GALNT13: variants seen among roughly 807,000 people sequenced by gnomAD.
GALNT13 encodes polypeptide N-acetylgalactosaminyltransferase 13.
GALNT13 carries 28 observed loss-of-function variants against 64.2 expected under a neutral mutation model. The observed-to-expected ratio is 0.44, with a 90% CI of 0.32 to 0.60. The LOEUF is 0.60. Among genes scored for constraint, GALNT13 ranks in the 20% least tolerant of loss-of-function variants. The pLI, the probability that GALNT13 is intolerant of heterozygous loss-of-function variation, is 0.05. For missense variants in GALNT13, 577 were observed against 669.8 expected, an observed-to-expected ratio of 0.86 and a Z score of 1.53; for synonymous variants, 214 against 224.6, an observed-to-expected ratio of 0.95 and a Z score of 0.42.
the GALNT13 span, among the ~76,000 whole-genome samples, chr2:153,104,985 T>C: frequency 5.4e-4 from 82 of 150,960 alleles, no homozygotes; most frequent in African/African-American, 1.9e-3. Context: ...TGTGCACCCA[T>C]TAACTCGTCA....
At chr2:153,939,483 G>T (rs1019095023) in intron 2 of GALNT13, among the ~76,000 whole-genome samples, 2 of 152,110 alleles carry the variant, frequency 1.3e-5, no homozygotes, top group Non-Finnish European at 2.9e-5. Context: ...TAAAAGGGAG[G>T]TACAATTTAC....
chr2:153,707,701 A>G, the GALNT13 span, among the ~76,000 whole-genome samples: 1 of 152,184 alleles, frequency 6.6e-6, no homozygotes, highest in Non-Finnish European at 1.5e-5. Flanking sequence ...GTCTATCACT[A>G]GAGTCATAGC....
the GALNT13 span, among the ~76,000 whole-genome samples, chr2:153,690,325 G>A: frequency 1.3e-5 from 2 of 152,094 alleles, no homozygotes; most frequent in Non-Finnish European, 2.9e-5. Flanking sequence ...AGGATTTGAT[G>A]ATGCTATCTT....
intron 9 of GALNT13, among the ~76,000 whole-genome samples, chr2:154,330,440 T>C (rs1186470689): frequency 2.0e-5 from 3 of 152,140 alleles, no homozygotes; most frequent in Admixed American, 6.6e-5. Context: ...TTCCTTTACC[T>C]GTTGGCCAAA....
chr2:153,541,650 C>T, the GALNT13 span, among the ~76,000 whole-genome samples: 1 of 152,186 alleles, frequency 6.6e-6, no homozygotes, highest in Non-Finnish European at 1.5e-5. Context: ...ATAAGACCTT[C>T]ATTCCAGAGG....
the GALNT13 span, among the ~76,000 whole-genome samples, chr2:153,729,677 G>A: frequency 6.6e-6 from 1 of 151,870 alleles, no homozygotes. Context: ...AAGTCATCCA[G>A]ATAGAAAAAA....
chr2:154,265,235 C>T (rs1030021363), intron 8 of GALNT13, among the ~76,000 whole-genome samples: 8 of 151,434 alleles, frequency 5.3e-5, no homozygotes, highest in Non-Finnish European at 8.8e-5. Flanking sequence ...TACAAATTAT[C>T]AAAGCTCACA....
the GALNT13 span, among the ~76,000 whole-genome samples, chr2:153,463,601 C>A: frequency 2.0e-5 from 3 of 152,002 alleles, no homozygotes; most frequent in Non-Finnish European, 2.9e-5. Flanking sequence ...GCATATGAAA[C>A]CTAGGCTCAA....
chr2:153,648,942 T>C, the GALNT13 span, among the ~76,000 whole-genome samples: 2 of 152,172 alleles, frequency 1.3e-5, no homozygotes, highest in Admixed American at 1.3e-4. Flanking sequence ...TGGTTGTGTC[T>C]CTGCCAGGCT....
intron 4 of GALNT13, among the ~76,000 whole-genome samples, chr2:154,200,240 A>T (rs933004075): frequency 6.6e-6 from 1 of 152,094 alleles, no homozygotes; most frequent in African/African-American, 2.4e-5. Flanking sequence ...AACTTATGTA[A>T]TGCATAATTT....
chr2:153,633,660 C>T, the GALNT13 span, among the ~76,000 whole-genome samples: 1 of 152,088 alleles, frequency 6.6e-6, no homozygotes, highest in South Asian at 2.1e-4. Flanking sequence ...CCATGTTTTT[C>T]AGGAGTGGCT....
chr2:154,075,896 T>TTA (rs1298635528), intron 3 of GALNT13, among the ~76,000 whole-genome samples: 2 of 151,722 alleles, frequency 1.3e-5, no homozygotes, highest in Admixed American at 1.3e-4. Context: ...TCTAAGTGTT[T>TTA]TATATATATA....
chr2:153,373,686 A>G, the GALNT13 span, among the ~76,000 whole-genome samples: 2 of 152,202 alleles, frequency 1.3e-5, no homozygotes, highest in Non-Finnish European at 2.9e-5. Context: ...TCTTCAGAAT[A>G]TTCTTCATCT....
the GALNT13 span, among the ~76,000 whole-genome samples, chr2:153,398,201 C>T: frequency 1.3e-5 from 2 of 151,772 alleles, no homozygotes; most frequent in Non-Finnish European, 2.9e-5. Context: ...CGATAGTTTA[C>T]TGAGAATGAT....
the GALNT13 span, among the ~76,000 whole-genome samples, chr2:153,189,417 C>A: frequency 6.6e-6 from 1 of 152,080 alleles, no homozygotes; most frequent in Non-Finnish European, 1.5e-5. Flanking sequence ...GCAGTATATT[C>A]ATGTAACAAT....
chr2:153,540,735 T>C, the GALNT13 span, among the ~76,000 whole-genome samples: 1 of 152,214 alleles, frequency 6.6e-6, no homozygotes, highest in Admixed American at 6.5e-5. Flanking sequence ...GCTTTAAGAT[T>C]TAATGACTGC....
At chr2:153,188,149 T>C in the GALNT13 span, among the ~76,000 whole-genome samples, 2 of 152,040 alleles carry the variant, frequency 1.3e-5, no homozygotes, top group Non-Finnish European at 2.9e-5. Context: ...ATTAATTTTA[T>C]GGTTTTCCTG....
chr2:153,850,743 A>C, the GALNT13 span, among the ~76,000 whole-genome samples: 1 of 152,226 alleles, frequency 6.6e-6, no homozygotes, highest in Non-Finnish European at 1.5e-5. Context: ...TGGAAGCTAA[A>C]AGTTCTGGGA....
intron 3 of GALNT13, among the ~76,000 whole-genome samples, chr2:154,068,952 C>T (rs1420126630): frequency 1.3e-5 from 2 of 151,764 alleles, no homozygotes; most frequent in African/African-American, 4.8e-5. Context: ...GTGCTGGATA[C>T]CCCATTTACC....
Sources: allele counts gnomAD v4.1 joint callset (sites outside exome capture counted in the v4.1 genomes callset), GRCh38; gene constraint gnomAD v4.1.1; transcripts MANE v1.5; gene names NCBI Gene and HGNC (gene_info 2026-07-23, HGNC 2026-07-21).